The following CAPZB variants were observed in gnomAD, a reference collection of about 807,000 sequenced individuals.
The protein encoded by CAPZB is capping actin protein of muscle Z-line subunit beta.
In CAPZB, 2 loss-of-function variants were observed where a neutral mutation model predicts 38.1. That is an observed-to-expected ratio of 0.05 (90% CI 0.02 to 0.17). The LOEUF (loss-of-function observed/expected upper bound fraction) is 0.17, where lower values mean the gene tolerates loss of function less well. Ranked by LOEUF, CAPZB falls within the 10% of genes least tolerant of loss-of-function variation. The pLI, the probability that CAPZB is intolerant of heterozygous loss-of-function variation, is 1.00. For missense variants in CAPZB, 161 were observed against 334.2 expected (o/e 0.48, Z 4.04); for synonymous variants, 107 against 127.4 (o/e 0.84, Z 1.08).
At chr1:19,446,350 C>A (rs530325633) in intron 1 of CAPZB, among the ~76,000 whole-genome samples, 2 of 152,072 alleles carry the variant, frequency 1.3e-5, no homozygotes, top group Non-Finnish European at 2.9e-5. Flanking sequence ...GAAAAGCCAT[C>A]GGCAAAAGTT....
At position 19,378,533 on chromosome 1, in the gene CAPZB, G is replaced by A; in HGVS notation, c.329+7C>T. 6.6e-7 allele frequency: 1 copy of A among 1,522,458 alleles called. No individual in the cohort carries two copies. 94.3% of individuals were successfully genotyped at this position (1,522,458 alleles called of 1,614,324 possible). A position where few individuals can be genotyped will look rare whatever the true frequency, so the allele number is the denominator to read the frequency against. ...GCGCTAAAGTGCAACAGGAGAAAAT[G>A]ACTCACAGGTCTCGATACTGGTCAA... On this transcript the variant is annotated splice_region_variant and intron_variant, in intron 4 of 8. Transcript: ENST00000264202.
chr1:19,484,173 C>A, intron 1 of CAPZB: 1 of 1,609,452 alleles, frequency 6.2e-7, no homozygotes, highest in South Asian at 1.1e-5. Context: ...AGCACTCTCC[C>A]TAGGCGTTCT....
At chr1:19,413,007 G>A (rs78635579) in intron 2 of CAPZB, among the ~76,000 whole-genome samples, 1,527 of 152,246 alleles carry the variant, frequency 0.01, 23 homozygotes, top group African/African-American at 0.035. Flanking sequence ...CGAAAACCCC[G>A]GCACCTAGAA....
At chr1:19,377,886 C>T (rs1355513193) in intron 4 of CAPZB, among the ~76,000 whole-genome samples, 1 of 152,190 alleles carries the variant, frequency 6.6e-6, no homozygotes. Flanking sequence ...AAGGAAGGTG[C>T]CGAGGCCACA....
chr1:19,477,204 A>G (rs2094609977), intron 1 of CAPZB, among the ~76,000 whole-genome samples: 1 of 152,174 alleles, frequency 6.6e-6, no homozygotes, highest in Non-Finnish European at 1.5e-5. Context: ...GCATCCCCTG[A>G]TGCCTGTGCC....
intron 1 of CAPZB, among the ~76,000 whole-genome samples, chr1:19,477,262 C>T (rs1290047001): frequency 1.3e-5 from 2 of 152,194 alleles, no homozygotes; most frequent in Non-Finnish European, 2.9e-5. Flanking sequence ...TAACCACACC[C>T]CAGCCCATCC....
In CAPZB at chr1:19,474,745, G is replaced by A. The variant is rs11576348; in HGVS notation, c.3+10691C>T. Among the ~76,000 whole-genome samples the A allele has an allele frequency of 4.2e-3, 645 of 152,234 alleles. 2 individuals carry two copies. Among genetic ancestry groups the A allele is most frequent in the African/African-American group, 0.013 (552 of 41,514 alleles). On this transcript the variant is annotated intron_variant, in intron 1 of 8. Coordinates refer to ENST00000264202, the MANE Select transcript of CAPZB (RefSeq NM_004930.5). ...AAACACAGTACCTGTTGAGGGGGTC[G>A]TGCGGGTGACGAGGAGCATCTAAAG...
intron 3 of CAPZB, among the ~76,000 whole-genome samples, chr1:19,381,741 G>A (rs982815282): frequency 1.4e-4 from 19 of 133,306 alleles, no homozygotes; most frequent in Admixed American, 3.3e-4. Context: ...TGCCCAGGTT[G>A]GAGTGCAGTG....
intron 3 of CAPZB, among the ~76,000 whole-genome samples, chr1:19,379,174 C>A (rs1227114197): frequency 6.6e-6 from 1 of 151,034 alleles, no homozygotes; most frequent in Non-Finnish European, 1.5e-5. Flanking sequence ...TCTTGGCTCA[C>A]CACAACCTCC....
chr1:19,469,661 G>A (rs776759268), intron 1 of CAPZB, among the ~76,000 whole-genome samples: 1 of 150,914 alleles, frequency 6.6e-6, no homozygotes, highest in Non-Finnish European at 1.5e-5. Context: ...TCAAGAAGGT[G>A]CAGAGAGAAA....
chr1:19,427,795 C>T (rs1020941082), intron 1 of CAPZB, among the ~76,000 whole-genome samples: 2 of 152,250 alleles, frequency 1.3e-5, no homozygotes, highest in Non-Finnish European at 2.9e-5. Context: ...TCAAGGGAAT[C>T]ACAGCCACGA....
At chr1:19,448,844 T>A (rs755923228) in intron 1 of CAPZB, 1 of 1,612,900 alleles carries the variant, frequency 6.2e-7, no homozygotes, top group Non-Finnish European at 8.5e-7. Flanking sequence ...CTTTCTAGGT[T>A]CTGGGTCACA....
At chr1:19,458,239 C>G (rs2094539411) in intron 1 of CAPZB, among the ~76,000 whole-genome samples, 1 of 152,168 alleles carries the variant, frequency 6.6e-6, no homozygotes, top group African/African-American at 2.4e-5. Context: ...ACAAGTGGCA[C>G]TTTCACATGG....
chr1:19,439,815 A>G (rs1430155716), intron 1 of CAPZB, among the ~76,000 whole-genome samples: 1 of 152,154 alleles, frequency 6.6e-6, no homozygotes, highest in African/African-American at 2.4e-5. Context: ...GGTGCTTAAT[A>G]GGCGCCAACC....
chr1:19,419,775 G>A lies in CAPZB; in HGVS notation c.4-25C>T, dbSNP rs573265731. The A allele has an allele frequency of 3.6e-5, 48 of 1,330,320 alleles. No homozygotes were observed. In the Middle Eastern group the frequency reaches 9.4e-4, roughly 26 times the overall value. The allele number at this position is 1,330,320 out of a possible 1,614,324, so 82.4% of individuals were successfully genotyped here. On this transcript the variant is annotated intron_variant, in intron 1 of 8. Coordinates refer to ENST00000264202, the MANE Select transcript of CAPZB (RefSeq NM_004930.5). ...TCTGTGGAGGGAGAAATACAAGTGC[G>A]TCAGTCATTTTTGCCAGAAGGAATA...
At chr1:19,445,142 A>C (rs1332526555) in intron 1 of CAPZB, among the ~76,000 whole-genome samples, 3 of 152,334 alleles carry the variant, frequency 2.0e-5, no homozygotes, top group African/African-American at 7.2e-5. Flanking sequence ...CATGTCCAAC[A>C]TGAGTAAATT....
chr1:19,410,122 GC>G (rs1044048153), intron 2 of CAPZB, among the ~76,000 whole-genome samples: 18 of 152,240 alleles, frequency 1.2e-4, no homozygotes, highest in African/African-American at 4.3e-4. Context: ...TGACTGATTT[GC>G]TTCCGCCACT....
intron 1 of CAPZB, among the ~76,000 whole-genome samples, chr1:19,466,828 G>A (rs2094570533): frequency 1.3e-5 from 2 of 152,150 alleles, no homozygotes; most frequent in Admixed American, 6.5e-5. Flanking sequence ...AATATAACTA[G>A]CACATCAAAC....
chr1:19,348,261 CT>C (rs112166487), intron 6 of CAPZB, among the ~76,000 whole-genome samples: 3,844 of 145,348 alleles, frequency 0.026, 144 homozygotes, highest in African/African-American at 0.088. Context: ...GTTTAGGGCA[CT>C]TTTTTTTTTT....
Sources: allele counts gnomAD v4.1 joint callset (sites outside exome capture counted in the v4.1 genomes callset), GRCh38; gene constraint gnomAD v4.1.1; transcripts MANE v1.5; gene names NCBI Gene and HGNC (gene_info 2026-07-23, HGNC 2026-07-21).